The following ADAMTS9 variants were observed in gnomAD, a reference collection of about 807,000 sequenced individuals.
The protein encoded by ADAMTS9 is ADAM metallopeptidase with thrombospondin type 1 motif 9.
Under a neutral mutation model 257.1 loss-of-function variants are expected in ADAMTS9, and 107 were observed. That is an observed-to-expected ratio of 0.42 (90% CI 0.36 to 0.49). ADAMTS9 has a LOEUF of 0.49. Among genes scored for constraint, ADAMTS9 ranks in the 20% least tolerant of loss-of-function variants. ADAMTS9 has a pLI of 0.03. For missense variants in ADAMTS9, 2,353 were observed against 2,469.1 expected, an observed-to-expected ratio of 0.95 and a Z score of 1.00; for synonymous variants, 982 against 880.9, an observed-to-expected ratio of 1.11 and a Z score of -2.03.
At chr3:64,620,105 T>A (rs1700069327) in intron 19 of ADAMTS9, among the ~76,000 whole-genome samples, 1 of 151,984 alleles carries the variant, frequency 6.6e-6, no homozygotes, top group Admixed American at 6.6e-5. Flanking sequence ...TGACACTGGG[T>A]AGAGGCTAGA....
At chr3:64,569,230 C>T (rs2106685806) in intron 28 of ADAMTS9, among the ~76,000 whole-genome samples, 1 of 152,220 alleles carries the variant, frequency 6.6e-6, no homozygotes, top group African/African-American at 2.4e-5. Flanking sequence ...TCAAAGTGCC[C>T]ATGGAGTCGG....
chr3:64,550,685 A>T (rs2083258838), intron 31 of ADAMTS9: 2 of 594,982 alleles, frequency 3.4e-6, no homozygotes, highest in East Asian at 5.7e-5. Context: ...GGACTTAGAG[A>T]CCATCTCTTA....
At chr3:64,574,559 C>CAAAA (rs34194727) in intron 28 of ADAMTS9, among the ~76,000 whole-genome samples, 1,053 of 80,712 alleles carry the variant, frequency 0.013, 42 homozygotes, top group African/African-American at 0.04. Context: ...CCCATCTCTA[C>CAAAA]AAAAAAAAAA....
At chr3:64,552,576 T>C (rs965209863) in intron 30 of ADAMTS9, among the ~76,000 whole-genome samples, 3 of 117,098 alleles carry the variant, frequency 2.6e-5, no homozygotes, top group East Asian at 4.0e-4. Flanking sequence ...TTTTCTTTCC[T>C]TTTTTTTTTT....
intron 38 of ADAMTS9, among the ~76,000 whole-genome samples, chr3:64,532,485 C>G (rs897453980): frequency 6.6e-6 from 1 of 152,072 alleles, no homozygotes; most frequent in East Asian, 1.9e-4. Flanking sequence ...TCAAGTGGAA[C>G]CGTCGTAAGT....
At position 64,561,618 on chromosome 3, in the gene ADAMTS9, C is replaced by A. The variant is rs999835269; in HGVS notation, c.4658G>T (p.Arg1553Leu). The A allele has an allele frequency of 3.1e-6, 5 of 1,613,832 alleles. No homozygotes were observed. The highest frequency in any genetic ancestry group is 1.1e-5 in the South Asian group (1 of 91,074). ...PESERDCQGPRCPLYTWRAEE... is the reference protein window; with the variant it reads ...PESERDCQGPLCPLYTWRAEE... ...TGCCCTCCAAGTGTAGAGGGGACAC[C>A]GTGGGCCTTGGCAGTCGCGTTCCGA... Residue 1553 changes from arginine (R) to leucine (L), a missense_variant, in exon 30 of 40, where the codon CGG becomes CTG. Arg to Leu is a moderately radical substitution (Grantham distance 102). Coordinates refer to ENST00000498707, the MANE Select transcript of ADAMTS9 (RefSeq NM_182920.2).
At chr3:64,669,498 C>T (rs1441121530) in intron 3 of ADAMTS9, among the ~76,000 whole-genome samples, 1 of 152,166 alleles carries the variant, frequency 6.6e-6, no homozygotes, top group South Asian at 2.1e-4. Context: ...CCTTGATCCT[C>T]TTATCCATAA....
intron 28 of ADAMTS9, chr3:64,568,827 T>G: frequency 3.4e-6 from 1 of 290,950 alleles, no homozygotes; most frequent in Non-Finnish European, 6.3e-6. Context: ...AACCTGAAAT[T>G]ACCATGAAAT....
rs772143752 is a variant in ADAMTS9 at position 64,631,917 on chromosome 3, T to G, written c.2184A>C (p.Gly728=). ...ICVQGLCRQA[G]CDHVLNSKAR... Reference sequence around the variant, plus strand: ...CTTTTGAGTTTAAAACATGATCGCATCCAGCTTGCTTTTAAAAAGAAAAGA... The same window carrying G: ...CTTTTGAGTTTAAAACATGATCGCAGCCAGCTTGCTTTTAAAAAGAAAAGA... Residue 728 remains glycine, a synonymous_variant, in exon 15 of 40, where the codon GGA becomes GGC. Coordinates refer to ENST00000498707, the MANE Select transcript of ADAMTS9 (RefSeq NM_182920.2). The G allele has an allele frequency of 3.1e-6, 5 of 1,612,140 alleles. No individual in the cohort carries two copies. In the Admixed American group the frequency reaches 8.4e-5, roughly 27 times the overall value.
intron 19 of ADAMTS9, among the ~76,000 whole-genome samples, chr3:64,620,253 A>C (rs1470402969): frequency 6.6e-6 from 1 of 152,170 alleles, no homozygotes; most frequent in Non-Finnish European, 1.5e-5. Flanking sequence ...CAGAGCCTCA[A>C]GTAGGCCTCA....
chr3:64,520,178 T>G (rs2082831434), intron 39 of ADAMTS9, among the ~76,000 whole-genome samples: 1 of 152,020 alleles, frequency 6.6e-6, no homozygotes, highest in Admixed American at 6.6e-5. Context: ...AAATCAAGAA[T>G]GCAATCCAAT....
chr3:64,604,190 A>T (rs753215027), intron 24 of ADAMTS9, 37 bp downstream of exon 24: 57 of 1,603,116 alleles, frequency 3.6e-5, no homozygotes, highest in Admixed American at 1.2e-4. Context: ...GTTAGCCCCC[A>T]TCCTGCCCTC....
chr3:64,642,897 G>A (rs987405520), intron 11 of ADAMTS9, among the ~76,000 whole-genome samples: 2 of 152,272 alleles, frequency 1.3e-5, no homozygotes, highest in Middle Eastern at 3.4e-3. Flanking sequence ...AGGGGGTGGG[G>A]CAGTATGCAG....
intron 11 of ADAMTS9, among the ~76,000 whole-genome samples, chr3:64,645,846 G>C (rs1216804432): frequency 6.6e-6 from 1 of 152,174 alleles, no homozygotes; most frequent in Non-Finnish European, 1.5e-5. Context: ...AGGGTCTGCT[G>C]AAAGCTCTCC....
At chr3:64,631,311 T>A in intron 16 of ADAMTS9, 144 bp downstream of exon 16, 1 of 664,648 alleles carries the variant, frequency 1.5e-6, no homozygotes, top group Admixed American at 2.5e-5. Context: ...AGAAATACAA[T>A]GGTGAATTTT....
intron 8 of ADAMTS9, among the ~76,000 whole-genome samples, chr3:64,653,293 C>A (rs768847746): frequency 6.6e-6 from 1 of 152,292 alleles, no homozygotes; most frequent in East Asian, 1.9e-4. Flanking sequence ...AGGATAGAGA[C>A]GATGCTGACT....
At chr3:64,608,207 C>A in intron 22 of ADAMTS9, among the ~76,000 whole-genome samples, 1 of 124,658 alleles carries the variant, frequency 8.0e-6, no homozygotes, top group Non-Finnish European at 1.6e-5. Flanking sequence ...CTCAAATCCA[C>A]AACCTAACTT....
chr3:64,525,439 C>T (rs948872674), intron 38 of ADAMTS9, among the ~76,000 whole-genome samples: 4 of 151,870 alleles, frequency 2.6e-5, no homozygotes, highest in African/African-American at 9.7e-5. Context: ...ATATTTGTGC[C>T]TACATTTTAG....
chr3:64,591,275 A>C (rs2084253789), intron 28 of ADAMTS9, among the ~76,000 whole-genome samples: 1 of 152,098 alleles, frequency 6.6e-6, no homozygotes, highest in Admixed American at 6.6e-5. Context: ...CCCCGTCTCT[A>C]CTAAAAATAC....
Sources: gnomAD v4.1 joint callset for allele counts (sites outside exome capture counted in the v4.1 genomes callset) on GRCh38, gnomAD v4.1.1 for gene constraint, MANE v1.5 for transcripts, NCBI Gene and HGNC (gene_info 2026-07-23, HGNC 2026-07-21) for gene names.